The following AMMECR1 variants were observed in gnomAD, a reference collection of about 807,000 sequenced individuals.
The protein encoded by AMMECR1 is AMMECR nuclear protein 1.
A neutral mutation model predicts 22.5 loss-of-function variants in AMMECR1; 3 were observed. The observed-to-expected ratio is 0.13, with a 90% CI of 0.06 to 0.35. AMMECR1 has a LOEUF of 0.35. AMMECR1 is among the 10% of genes least tolerant of loss of function. The pLI is 1.00. For missense variants in AMMECR1, 235 were observed against 278.7 expected, an observed-to-expected ratio of 0.84 and a Z score of 1.12; for synonymous variants, 130 against 116.7, an observed-to-expected ratio of 1.11 and a Z score of -0.74.
At chrX:110,232,763 G>A (rs1427029641) in intron 2 of AMMECR1, among the ~76,000 whole-genome samples, 1 of 107,509 alleles carries the variant, frequency 9.3e-6, no homozygotes, top group African/African-American at 3.4e-5. Flanking sequence ...GGTGGTGGGC[G>A]CCTGTAGTCC....
At chrX:110,279,592 GT>G (rs1602855120) in intron 1 of AMMECR1, among the ~76,000 whole-genome samples, 1 of 111,809 alleles carries the variant, frequency 8.9e-6, no homozygotes, top group South Asian at 3.7e-4. Flanking sequence ...AACAAATGTA[GT>G]TTTATTATTT....
chrX:110,346,128 T>C (rs983303920), intron 2 of AMMECR1, among the ~76,000 whole-genome samples: 1 of 112,492 alleles, frequency 8.9e-6, no homozygotes, highest in Admixed American at 9.4e-5. Flanking sequence ...GTGTGCTTTA[T>C]TTAGCAAGTG....
chrX:110,395,135 C>A (rs2068520258), intron 2 of AMMECR1, among the ~76,000 whole-genome samples: 1 of 112,523 alleles, frequency 8.9e-6, no homozygotes. Context: ...GGAAGCCAAA[C>A]CTTTTGGCAA....
At chrX:110,356,042 C>T (rs1044146434) in intron 2 of AMMECR1, among the ~76,000 whole-genome samples, 2 of 107,886 alleles carry the variant, frequency 1.9e-5, no homozygotes, top group Non-Finnish European at 3.8e-5. Context: ...ATCATAGAAA[C>T]AAAGAACAGA....
intron 1 of AMMECR1, among the ~76,000 whole-genome samples, chrX:110,270,509 T>C (rs1210796194): frequency 9.0e-6 from 1 of 110,793 alleles, no homozygotes; most frequent in Non-Finnish European, 1.9e-5. Context: ...AAAATGTGAG[T>C]GGCAAACCTA....
intron 2 of AMMECR1, among the ~76,000 whole-genome samples, chrX:110,377,015 C>A (rs751121891): frequency 6.3e-5 from 7 of 111,954 alleles, no homozygotes; most frequent in Non-Finnish European, 1.3e-4. Context: ...CTAACTACAG[C>A]ACTGCAGTAG....
At chrX:110,270,833 G>C (rs2067794901) in intron 1 of AMMECR1, among the ~76,000 whole-genome samples, 1 of 111,830 alleles carries the variant, frequency 8.9e-6, no homozygotes, top group Admixed American at 9.5e-5. Flanking sequence ...TGTCTAGCTG[G>C]ACTTCATCAA....
intron 2 of AMMECR1, among the ~76,000 whole-genome samples, chrX:110,225,629 G>A (rs1045595526): frequency 8.9e-6 from 1 of 112,130 alleles, no homozygotes; most frequent in African/African-American, 3.2e-5. Context: ...TATACTGGTT[G>A]AACATCCCAA....
chrX:110,224,966 A>C (rs760186318), intron 2 of AMMECR1: 7 of 348,553 alleles, frequency 2.0e-5, no homozygotes, highest in Non-Finnish European at 3.8e-5. Context: ...TCGTTTTTTA[A>C]ATTAAAAAAA....
At chrX:110,274,505 G>T (rs974466398) in intron 1 of AMMECR1, among the ~76,000 whole-genome samples, 1 of 111,261 alleles carries the variant, frequency 9.0e-6, no homozygotes, top group Admixed American at 9.5e-5. Context: ...CTCATTCCTC[G>T]TAACACTGCC....
chrX:110,198,744 C>G, intron 5 of AMMECR1, 110 bp from the exon 6 acceptor site: 1 of 528,395 alleles, frequency 1.9e-6, no homozygotes, highest in East Asian at 3.7e-5. Context: ...GAAACGGGGT[C>G]CCAGAGAGAA....
chrX:110,318,536 T>G (rs1368694176), upstream of AMMECR1, among the ~76,000 whole-genome samples: 1 of 109,611 alleles, frequency 9.1e-6, no homozygotes, highest in African/African-American at 3.3e-5. Context: ...AGCATCCAGG[T>G]CCCAAAGCAC....
At chrX:110,328,434 T>G (rs1244296833) in intron 2 of AMMECR1, among the ~76,000 whole-genome samples, 1 of 95,744 alleles carries the variant, frequency 1.0e-5, no homozygotes, top group Non-Finnish European at 2.0e-5. Flanking sequence ...TTTTTTCTTT[T>G]TCTCTTTTTT....
In AMMECR1 at chrX:110,245,903, C is replaced by T. The variant is rs759134353; in HGVS notation, c.584+18586G>A. ...ACTTCACAAAAATGACCATCTCTCT[C>T]GTAGGGATTTAAAAATAATATATGG... On this transcript the variant is annotated intron_variant, in intron 2 of 5. Coordinates refer to ENST00000262844, the MANE Select transcript of AMMECR1 (RefSeq NM_015365.3). Among the ~76,000 whole-genome samples the T allele has an allele frequency of 3.6e-5, 4 of 111,549 alleles. No individual in the cohort carries two copies. In the South Asian group the frequency reaches 1.1e-3, roughly 31 times the overall value.
intron 2 of AMMECR1, among the ~76,000 whole-genome samples, chrX:110,242,612 C>A (rs1046417954): frequency 5.4e-5 from 6 of 112,025 alleles, no homozygotes; most frequent in Non-Finnish European, 9.4e-5. Context: ...CAACTTGACA[C>A]CCTAAGCTTG....
intron 2 of AMMECR1, among the ~76,000 whole-genome samples, chrX:110,407,057 G>A (rs756963630): frequency 4.5e-5 from 5 of 111,430 alleles, no homozygotes; most frequent in Non-Finnish European, 5.6e-5. Context: ...CTGGTATTGC[G>A]CAAACGCTGC....
rs182481104 is a variant in AMMECR1, at chrX:110,196,179, G to A, written c.*2341C>T. 9.0e-6 allele frequency: 1 copy of A among 111,115 alleles called. No homozygotes were observed. The highest frequency in any genetic ancestry group is 1.9e-5 in the Non-Finnish European group (1 of 52,907). The allele number at this position is 111,115 out of a possible 1,213,427, so 9.2% of individuals were successfully genotyped here. On this transcript the variant is annotated 3_prime_UTR_variant, in exon 6 of 6. Coordinates refer to ENST00000262844, the MANE Select transcript of AMMECR1 (RefSeq NM_015365.3). ...CACCGTTAAATAAACACACATATAT[G>A]TATGTATGTATGTGTAAGTATATGT...
In AMMECR1 at chrX:110,317,798, C is replaced by T; in HGVS notation, c.274G>A (p.Gly92Arg). The change falls in exon 1 of 6, where the codon GGA becomes AGA. Residue 92 changes from glycine (G) to arginine (R), a missense_variant. Coordinates refer to ENST00000262844, the MANE Select transcript of AMMECR1 (RefSeq NM_015365.3). ...GGGGTAGAAAGTAGGGTCCCCACTCCGCAGCTCGGAGGTGGCGACAGGGCG... is the reference window on the plus strand; with the variant it reads ...GGGGTAGAAAGTAGGGTCCCCACTCTGCAGCTCGGAGGTGGCGACAGGGCG... ...GIALSPPPSC[G>R]VGTLLSTPAA... 4 of 1,167,723 alleles carry T rather than the reference C, an allele frequency of 3.4e-6. No individual in the cohort carries two copies. Among genetic ancestry groups the T allele is most frequent in the Non-Finnish European group, 4.6e-6 (4 of 873,148 alleles).
intron 2 of AMMECR1, among the ~76,000 whole-genome samples, chrX:110,331,107 C>T (rs1240511225): frequency 9.2e-6 from 1 of 109,010 alleles, no homozygotes; most frequent in African/African-American, 3.3e-5. Flanking sequence ...TAGCCCTCAT[C>T]TGATTGTTGC....
Sources: allele counts gnomAD v4.1 joint callset (sites outside exome capture counted in the v4.1 genomes callset), GRCh38; gene constraint gnomAD v4.1.1; transcripts MANE v1.5; gene names NCBI Gene and HGNC (gene_info 2026-07-23, HGNC 2026-07-21).